Variants in CAST observed in about 807,000 individuals in gnomAD.
The protein encoded by CAST is MIR583 host.
A neutral mutation model predicts 119.6 loss-of-function variants in CAST; 76 were observed. That is an observed-to-expected ratio of 0.64 (90% CI 0.53 to 0.77). CAST has a LOEUF of 0.77. CAST is among the 30% of genes least tolerant of loss of function. CAST has a pLI of 0.00. For synonymous variants in CAST, 319 were observed against 331.6 expected, an observed-to-expected ratio of 0.96 and a Z score of 0.41; for missense variants, 953 against 946.5, an observed-to-expected ratio of 1.01 and a Z score of -0.09.
chr5:96,639,073 C>T (rs1295921642), intron 1 of CAST, among the ~76,000 whole-genome samples: 1 of 152,176 alleles, frequency 6.6e-6, no homozygotes, highest in Non-Finnish European at 1.5e-5. Context: ...GTTCCTTGTC[C>T]TACATCATTA....
At chr5:96,717,081 A>G (rs1465045462) in intron 3 of CAST, among the ~76,000 whole-genome samples, 3 of 152,210 alleles carry the variant, frequency 2.0e-5, no homozygotes, top group African/African-American at 7.2e-5. Context: ...GAAAATGGAA[A>G]CAAAAATGTG....
the CAST span, among the ~76,000 whole-genome samples, chr5:96,380,723 G>A: frequency 6.6e-6 from 1 of 152,058 alleles, no homozygotes. Flanking sequence ...ATATTTAGAG[G>A]TTTTATTATG....
At chr5:96,069,377 G>GTCTA in the CAST span, among the ~76,000 whole-genome samples, 133 of 131,044 alleles carry the variant, frequency 1.0e-3, 1 homozygote, top group African/African-American at 3.4e-3. Flanking sequence ...GTGTGTGTGT[G>GTCTA]TGTGTCTATG....
rs146173828 is a variant in CAST at position 96,555,512 on chromosome 5, G to A, written c.60+25632G>A. ...GGCGACAGACGGCACCTAGGAAATC[G>A]GGTCACTCCCACCCTAATACTGCAC... On this transcript the variant is annotated intron_variant, in intron 1 of 11. Transcript: ENST00000505143. 2.8e-3 allele frequency among the ~76,000 whole-genome samples: 430 copies of A among 152,270 alleles called. 6 individuals carry two copies. The highest frequency in any genetic ancestry group is 9.7e-4 in the Non-Finnish European group (66 of 68,022).
Position 96,599,966 on chromosome 5 carries a change from C to CAAAAAAAAAAAAAAAAA in CAST, c.60+70087_60+70103dup, listed in dbSNP as rs74978713. ...TATCCTGTATTATTGCTTCATTAGG[C>CAAAAAAAAAAAAAAAAA]AAAAAAAAAAAAAAAAACCCTCAAG... is the stretch of plus-strand genomic sequence containing the variant. On this transcript the variant is annotated intron_variant, in intron 1 of 11. Coordinates refer to the CAST transcript ENST00000505143. Among the ~76,000 whole-genome samples, 121 of 47,144 alleles carry CAAAAAAAAAAAAAAAAA rather than the reference C, an allele frequency of 2.6e-3. 6 individuals are homozygous for CAAAAAAAAAAAAAAAAA. Among genetic ancestry groups the CAAAAAAAAAAAAAAAAA allele is most frequent in the African/African-American group, 6.5e-3 (106 of 16,336 alleles). The allele number at this position is 47,144 out of a possible 152,430, so 30.9% of individuals were successfully genotyped here.
At chr5:96,215,270 C>T in the CAST span, 1 of 152,018 alleles carries the variant, frequency 6.6e-6, no homozygotes, top group African/African-American at 2.4e-5. Context: ...TTATGTGGGT[C>T]ATAACTACTG....
At chr5:96,471,127 G>A in the CAST span, among the ~76,000 whole-genome samples, 1 of 152,014 alleles carries the variant, frequency 6.6e-6, no homozygotes, top group African/African-American at 2.4e-5. Context: ...TCACAAACCA[G>A]ATTGAAGACA....
chr5:96,766,479 C>G (rs550885031), intron 27 of CAST, among the ~76,000 whole-genome samples: 111 of 152,294 alleles, frequency 7.3e-4, no homozygotes, highest in Middle Eastern at 3.4e-3. Context: ...AGGAAGCAAT[C>G]TCTGTTTAAG....
the CAST span, among the ~76,000 whole-genome samples, chr5:96,163,190 C>A: frequency 6.6e-6 from 1 of 152,110 alleles, no homozygotes; most frequent in African/African-American, 2.4e-5. Flanking sequence ...TGTACATTGT[C>A]TTCTCTTATA....
intron 1 of CAST, among the ~76,000 whole-genome samples, chr5:96,628,875 A>T (rs1393122478): frequency 6.6e-6 from 1 of 152,034 alleles, no homozygotes; most frequent in Non-Finnish European, 1.5e-5. Context: ...GCGGGGGGTC[A>T]TAAAGGCCCA....
rs560195118 is a variant in CAST at position 96,569,737 on chromosome 5, C to T, written c.60+39857C>T. Among the ~76,000 whole-genome samples, 90 of 152,354 alleles carry T rather than the reference C, an allele frequency of 5.9e-4. 1 individual carries two copies. The highest frequency in any genetic ancestry group is 4.6e-4 in the Admixed American group (7 of 15,300). ...AAACAAGTCATCCATAGCGACAACA[C>T]GATCACTGATCCAGTACAATATCTT... On this transcript the variant is annotated intron_variant, in intron 1 of 11. Transcript: ENST00000505143.
At chr5:96,179,936 T>A in the CAST span, among the ~76,000 whole-genome samples, 1 of 151,852 alleles carries the variant, frequency 6.6e-6, no homozygotes, top group Non-Finnish European at 1.5e-5. Flanking sequence ...CTCCAGAGGC[T>A]GAGGCAGGAG....
At chr5:96,592,706 G>A (rs1746984767) in intron 1 of CAST, among the ~76,000 whole-genome samples, 1 of 151,568 alleles carries the variant, frequency 6.6e-6, no homozygotes, top group Non-Finnish European at 1.5e-5. Flanking sequence ...AATGACACTC[G>A]TAGCTTCCTG....
chr5:96,754,119 A>G lies in CAST; in HGVS notation c.1584A>G (p.Glu528=), dbSNP rs77616199. The change falls in exon 21 of 32, where the codon GAA becomes GAG. Residue 528 remains glutamate, a synonymous_variant. Coordinates refer to ENST00000675179, the MANE Select transcript of CAST (RefSeq NM_001750.7). The stretch of plus-strand genomic sequence containing the variant: ...TGGCTGATAGCCTGGGGAAAAAGGA[A>G]GCAGATCCAGAAGATGGAAAACCTG... The part of the protein sequence containing the change: ...EALADSLGKK[E]ADPEDGKPVM... 6.2e-7 allele frequency: 1 copy of G among 1,613,834 alleles called. No homozygotes were observed. The highest frequency in any genetic ancestry group is 8.5e-7 in the Non-Finnish European group (1 of 1,179,678).
At chr5:96,704,878 G>A (rs1728822412) in intron 3 of CAST, among the ~76,000 whole-genome samples, 1 of 152,142 alleles carries the variant, frequency 6.6e-6, no homozygotes, top group Non-Finnish European at 1.5e-5. Flanking sequence ...TTTCTCAAAA[G>A]GCATAGTCTT....
the CAST span, among the ~76,000 whole-genome samples, chr5:96,228,441 C>G: frequency 6.6e-6 from 1 of 152,138 alleles, no homozygotes; most frequent in Admixed American, 6.6e-5. Flanking sequence ...TTATCTTTCC[C>G]TCTCACTATC....
At position 96,680,362 on chromosome 5, in the gene CAST, AAAAAAAAAAAAAAAAAAG is replaced by A. The variant is rs886264379; in HGVS notation, c.138+4764_138+4781del. ...AGAACGAGACTCTGTCTCAAAAAAAAAAAAAAAAAAAAAAAAAGAAGAAGAAGAAAAGAAAAATGGAAA... is the reference window on the plus strand; with the variant it reads ...AGAACGAGACTCTGTCTCAAAAAAAAAAGAAGAAGAAAAGAAAAATGGAAA... On this transcript the variant is annotated intron_variant, in intron 2 of 31. Transcript: ENST00000675179. Among the ~76,000 whole-genome samples the A allele has an allele frequency of 4.9e-4, 65 of 133,190 alleles. 1 individual carries two copies. Among genetic ancestry groups the A allele is most frequent in the African/African-American group, 2.0e-3 (65 of 32,382 alleles). 87.4% of individuals were successfully genotyped at this position (133,190 alleles called of 152,430 possible).
chr5:96,015,354 C>T, the CAST span, among the ~76,000 whole-genome samples: 2 of 152,014 alleles, frequency 1.3e-5, no homozygotes, highest in African/African-American at 4.8e-5. Flanking sequence ...AAACTAAAGG[C>T]AAGATATATA....
chr5:96,760,798 TGAC>T (rs1251059969), intron 24 of CAST: 2 of 151,930 alleles, frequency 1.3e-5, no homozygotes, highest in African/African-American at 4.8e-5. Flanking sequence ...AAAAGAATGA[TGAC>T]AATTCAAGTC....
Sources: gnomAD v4.1 joint callset for allele counts (sites outside exome capture counted in the v4.1 genomes callset) on GRCh38, gnomAD v4.1.1 for gene constraint, MANE v1.5 for transcripts, NCBI Gene and HGNC (gene_info 2026-07-23, HGNC 2026-07-21) for gene names.